The following IL1RAPL1 variants were observed in gnomAD, a reference collection of about 807,000 sequenced individuals.
IL1RAPL1 encodes the protein interleukin 1 receptor accessory protein like 1.
A neutral mutation model predicts 48.4 loss-of-function variants in IL1RAPL1; 3 were observed. The ratio of observed to expected loss-of-function variants is 0.06; its 90% CI spans 0.03 to 0.16. The LOEUF (loss-of-function observed/expected upper bound fraction) is 0.16. IL1RAPL1 is among the 10% of genes least tolerant of loss of function. The pLI, the probability that IL1RAPL1 is intolerant of heterozygous loss-of-function variation, is 1.00. For missense variants in IL1RAPL1, 349 were observed against 530.6 expected (o/e 0.66, Z 3.36); for synonymous variants, 185 against 187.7 (o/e 0.99, Z 0.12).
chrX:29,741,935 G>GAAAA (rs1182352727), intron 6 of IL1RAPL1, among the ~76,000 whole-genome samples: 25 of 61,829 alleles, frequency 4.0e-4, no homozygotes, highest in East Asian at 1.1e-3. Flanking sequence ...AAAAAAAAAA[G>GAAAA]AAAAAAAAAA....
intron 2 of IL1RAPL1, among the ~76,000 whole-genome samples, chrX:28,815,867 A>G (rs868170974): frequency 8.1e-5 from 6 of 73,927 alleles, no homozygotes; most frequent in Admixed American, 3.4e-4. Flanking sequence ...ATATATATAT[A>G]TATATATATA....
At chrX:28,594,801 C>T (rs1601828203) in intron 1 of IL1RAPL1, among the ~76,000 whole-genome samples, 1 of 111,997 alleles carries the variant, frequency 8.9e-6, no homozygotes, top group Non-Finnish European at 1.9e-5. Context: ...TTTTCCTTTA[C>T]GCACACCTGA....
chrX:29,937,972 G>A (rs753569300), intron 8 of IL1RAPL1, among the ~76,000 whole-genome samples: 2 of 111,688 alleles, frequency 1.8e-5, no homozygotes, highest in East Asian at 5.6e-4. Flanking sequence ...CTTTTCATAT[G>A]TTTGTACCCT....
At chrX:29,840,544 C>T (rs1419072000) in intron 6 of IL1RAPL1, among the ~76,000 whole-genome samples, 1 of 112,223 alleles carries the variant, frequency 8.9e-6, no homozygotes, top group Non-Finnish European at 1.9e-5. Flanking sequence ...CCAAAATACA[C>T]TTCTACCTCT....
At chrX:28,768,703 TTCTC>T (rs1195886664) in intron 1 of IL1RAPL1, among the ~76,000 whole-genome samples, 14 of 58,814 alleles carry the variant, frequency 2.4e-4, no homozygotes, top group Non-Finnish European at 3.4e-4. Flanking sequence ...CTCTCTCTGT[TTCTC>T]TCTCTCTCTC....
chrX:29,933,496 T>C (rs949685595), intron 8 of IL1RAPL1, among the ~76,000 whole-genome samples: 1 of 110,909 alleles, frequency 9.0e-6, no homozygotes, highest in African/African-American at 3.3e-5. Context: ...GACATATTCT[T>C]GGAATTTTAG....
intron 6 of IL1RAPL1, among the ~76,000 whole-genome samples, chrX:29,692,418 C>G (rs1926798816): frequency 8.9e-6 from 1 of 111,799 alleles, no homozygotes; most frequent in Non-Finnish European, 1.9e-5. Flanking sequence ...AAAACTCTAG[C>G]AAAAGCTGAG....
chrX:28,747,666 G>A (rs1935995655), intron 1 of IL1RAPL1, among the ~76,000 whole-genome samples: 1 of 112,010 alleles, frequency 8.9e-6, no homozygotes, highest in Non-Finnish European at 1.9e-5. Flanking sequence ...GTTCAGCAAG[G>A]CATTGTATTC....
At chrX:29,517,535 C>T (rs1160787176) in intron 5 of IL1RAPL1, among the ~76,000 whole-genome samples, 1 of 111,333 alleles carries the variant, frequency 9.0e-6, no homozygotes, top group African/African-American at 3.3e-5. Context: ...CTTTGAAAGA[C>T]CCTGAGACTT....
chrX:29,299,921 C>A (rs2147610535), intron 3 of IL1RAPL1, among the ~76,000 whole-genome samples: 1 of 111,743 alleles, frequency 8.9e-6, no homozygotes, highest in African/African-American at 3.2e-5. Flanking sequence ...CCTACTTCAG[C>A]AGTGAATGAG....
At chrX:29,866,526 G>C (rs780564600) in intron 6 of IL1RAPL1, among the ~76,000 whole-genome samples, 260 of 109,794 alleles carry the variant, frequency 2.4e-3, no homozygotes, top group Non-Finnish European at 4.0e-3. Flanking sequence ...CTGTGCACGG[G>C]ACAAAATGAG....
At chrX:29,172,653 A>C (rs1472738615) in intron 2 of IL1RAPL1, among the ~76,000 whole-genome samples, 2 of 111,838 alleles carry the variant, frequency 1.8e-5, no homozygotes, top group Non-Finnish European at 3.8e-5. Context: ...CATATCTGGC[A>C]TTTAATACCA....
At chrX:29,775,599 A>G (rs1361036348) in intron 6 of IL1RAPL1, among the ~76,000 whole-genome samples, 5 of 111,384 alleles carry the variant, frequency 4.5e-5, no homozygotes, top group Non-Finnish European at 1.9e-5. Flanking sequence ...AGCACATATC[A>G]TAAGTGCTAA....
At chrX:29,206,694 T>C (rs1930672836) in intron 2 of IL1RAPL1, among the ~76,000 whole-genome samples, 1 of 111,928 alleles carries the variant, frequency 8.9e-6, no homozygotes, top group Admixed American at 9.6e-5. Flanking sequence ...ATTTTCCCCC[T>C]GAAGGAAACA....
At chrX:29,381,370 C>T (rs1195946505) in intron 3 of IL1RAPL1, among the ~76,000 whole-genome samples, 1 of 104,060 alleles carries the variant, frequency 9.6e-6, no homozygotes, top group Non-Finnish European at 2.0e-5. Context: ...AAATTAATGA[C>T]TTGGCTGGGT....
At chrX:29,588,569 G>A (rs753194547) in intron 5 of IL1RAPL1, among the ~76,000 whole-genome samples, 6 of 111,973 alleles carry the variant, frequency 5.4e-5, no homozygotes, top group Non-Finnish European at 5.6e-5. Flanking sequence ...ATATAATTTC[G>A]GAATTTGTGG....
intron 5 of IL1RAPL1, among the ~76,000 whole-genome samples, chrX:29,626,803 G>T (rs1371299581): frequency 9.0e-6 from 1 of 111,562 alleles, no homozygotes; most frequent in Admixed American, 9.6e-5. Context: ...CTGTGTATAT[G>T]TTTAATAAGC....
intron 3 of IL1RAPL1, among the ~76,000 whole-genome samples, chrX:29,289,873 A>G (rs1056743810): frequency 2.7e-5 from 3 of 112,461 alleles, no homozygotes; most frequent in Non-Finnish European, 3.8e-5. Flanking sequence ...CATTGTTACT[A>G]TGTGAAAATG....
At chrX:29,313,858 A>G (rs920049356) in intron 3 of IL1RAPL1, among the ~76,000 whole-genome samples, 3 of 112,090 alleles carry the variant, frequency 2.7e-5, no homozygotes, top group Non-Finnish European at 3.8e-5. Flanking sequence ...TCACATATCA[A>G]TGCACATTTA....
Sources: gnomAD v4.1 joint callset for allele counts (sites outside exome capture counted in the v4.1 genomes callset) on GRCh38, gnomAD v4.1.1 for gene constraint, MANE v1.5 for transcripts, NCBI Gene and HGNC (gene_info 2026-07-23, HGNC 2026-07-21) for gene names.